RYR2: variants seen among roughly 807,000 people sequenced by gnomAD.
The protein encoded by RYR2 is cardiac muscle ryanodine receptor-calcium release channel.
Under a neutral mutation model 601.1 loss-of-function variants are expected in RYR2, and 227 were observed. The ratio of observed to expected loss-of-function variants is 0.38; its 90% confidence interval spans 0.34 to 0.42. The LOEUF is 0.42. Among genes scored for constraint, RYR2 ranks in the 10% least tolerant of loss-of-function variants. The probability of loss-of-function intolerance (pLI) is 1.00; values close to 1 mark genes in which losing one functional copy is unlikely to be tolerated. For synonymous variants in RYR2, 2,223 were observed against 2,175.1 expected, an observed-to-expected ratio of 1.02 and a Z score of -0.61; for missense variants, 4,646 against 6,156.5, an observed-to-expected ratio of 0.75 and a Z score of 8.21.
intron 100 of RYR2, among the ~76,000 whole-genome samples, chr1:237,811,603 A>G (rs957610007): frequency 2.0e-5 from 3 of 152,220 alleles, no homozygotes; most frequent in African/African-American, 7.2e-5. Context: ...GGGGATACAT[A>G]ATAGCTTGCT....
At chr1:237,271,081 A>G (rs1021002872) in intron 2 of RYR2, among the ~76,000 whole-genome samples, 1 of 152,068 alleles carries the variant, frequency 6.6e-6, no homozygotes, top group African/African-American at 2.4e-5. Context: ...TCACATAGAT[A>G]TATCTGGATT....
intron 1 of RYR2, among the ~76,000 whole-genome samples, chr1:237,084,262 A>G (rs1308397270): frequency 6.6e-6 from 1 of 152,172 alleles, no homozygotes; most frequent in Non-Finnish European, 1.5e-5. Context: ...CATCTGTGTC[A>G]AGCTGGCTTC....
chr1:237,783,013 G>T (rs1695250009), intron 89 of RYR2, among the ~76,000 whole-genome samples: 1 of 152,160 alleles, frequency 6.6e-6, no homozygotes, highest in Admixed American at 6.5e-5. Context: ...TCTGTTCAAT[G>T]AATAAAAGCA....
intron 93 of RYR2, 145 bp from the exon 94 acceptor site, chr1:237,791,960 T>G: frequency 1.6e-6 from 1 of 638,864 alleles, no homozygotes; most frequent in South Asian, 2.0e-5. Flanking sequence ...AAAGCTATCG[T>G]TTTTAGCCTT....
intron 33 of RYR2, among the ~76,000 whole-genome samples, chr1:237,594,898 T>TTG (rs1559084083): frequency 4.3e-3 from 89 of 20,658 alleles, no homozygotes; most frequent in South Asian, 0.012. Flanking sequence ...TTTTTTTTTT[T>TTG]TTTTTTTTTT....
intron 82 of RYR2, among the ~76,000 whole-genome samples, chr1:237,759,335 C>T (rs1254715047): frequency 6.6e-6 from 1 of 152,114 alleles, no homozygotes; most frequent in African/African-American, 2.4e-5. Flanking sequence ...ATTTGCCCAC[C>T]TCAGCCTCCC....
chr1:237,718,495 C>T lies in RYR2; in HGVS notation c.10528C>T (p.Arg3510Cys), dbSNP rs201749277. 6.6e-5 allele frequency: 106 copies of T among 1,595,230 alleles called. No individual in the cohort carries two copies. The highest frequency in any genetic ancestry group is 1.0e-4 in the South Asian group (9 of 90,112). The change falls in exon 73 of 105, where the codon CGC becomes TGC. Residue 3510 changes from arginine (R) to cysteine (C), a missense_variant. Arg to Cys is a radical substitution (Grantham distance 180). Around this residue, in one of 17 missense-constraint regions of RYR2, gnomAD observed 1,497 missense variants for 1,842.6 expected, o/e 0.81. Coordinates refer to ENST00000366574, the MANE Select transcript of RYR2 (RefSeq NM_001035.3). ...DTEDEVRDII[R>C]SNIHLQGKLE... ...CGAGGATGAAGTACGAGATATAATCCGCAGCAATATTCATTTACAAGGCAA... is the reference window on the plus strand; with the variant it reads ...CGAGGATGAAGTACGAGATATAATCTGCAGCAATATTCATTTACAAGGCAA...
chr1:237,361,675 G>A (rs886550737), intron 4 of RYR2, among the ~76,000 whole-genome samples: 2 of 152,044 alleles, frequency 1.3e-5, no homozygotes, highest in African/African-American at 2.4e-5. Flanking sequence ...TTTTAGAAGC[G>A]TTCCTTTTTA....
chr1:237,737,649 A>G (rs1691265781), intron 79 of RYR2, among the ~76,000 whole-genome samples: 2 of 152,204 alleles, frequency 1.3e-5, no homozygotes, highest in South Asian at 2.1e-4. Flanking sequence ...TGATTCTGTC[A>G]TACACTGTTA....
At chr1:237,521,763 A>C (rs2805431) in intron 24 of RYR2, among the ~76,000 whole-genome samples, 92,413 of 151,550 alleles carry the variant, frequency 0.61, 29,217 homozygotes, top group East Asian at 0.79. Context: ...AATAAAATCC[A>C]TTAATGGCTT....
rs1361981168 is a variant in RYR2, at chr1:237,699,908, C to T, written c.9129-321C>T. On this transcript the variant is annotated intron_variant, in intron 64 of 104. Transcript: ENST00000366574. The stretch of plus-strand genomic sequence containing the variant: ...GAAACATTCTAGTTTTGTTGGATTT[C>T]GGATTAACTATACTCACTCAGAAGC... 2.0e-5 allele frequency among the ~76,000 whole-genome samples: 3 copies of T among 152,248 alleles called. No homozygotes were observed. In the East Asian group the frequency reaches 5.8e-4, roughly 29 times the overall value.
At chr1:237,685,470 C>T (rs1301952187) in intron 62 of RYR2, among the ~76,000 whole-genome samples, 1 of 152,096 alleles carries the variant, frequency 6.6e-6, no homozygotes, top group Non-Finnish European at 1.5e-5. Flanking sequence ...AGCAAAACAT[C>T]CTAGGTTTGG....
chr1:237,539,855 GT>G (rs1477488804), intron 25 of RYR2, among the ~76,000 whole-genome samples: 2 of 151,786 alleles, frequency 1.3e-5, no homozygotes, highest in Admixed American at 6.6e-5. Flanking sequence ...AAAATAAAAT[GT>G]TTTTTTAAAA....
intron 1 of RYR2, among the ~76,000 whole-genome samples, chr1:237,239,204 G>A (rs1276261358): frequency 2.6e-5 from 4 of 152,134 alleles, no homozygotes; most frequent in African/African-American, 7.2e-5. Context: ...CCAGGCTTTT[G>A]AAGCAGGGTT....
chr1:237,609,574 A>G (rs1677587638), intron 35 of RYR2, among the ~76,000 whole-genome samples: 1 of 151,892 alleles, frequency 6.6e-6, no homozygotes, highest in Admixed American at 6.6e-5. Flanking sequence ...GCAGTGGGCC[A>G]GGCTGGTCTT....
At chr1:237,694,728 G>A (rs1158151517) in intron 63 of RYR2, among the ~76,000 whole-genome samples, 2 of 152,146 alleles carry the variant, frequency 1.3e-5, no homozygotes, top group South Asian at 4.1e-4. Flanking sequence ...AATAGAATAT[G>A]TAGTTATTCA....
In RYR2 at chr1:237,801,833, ATTTTT is replaced by A; in HGVS notation, c.14091-15_14091-11del. ...CTTTGGTTAATGTGCATAACTACGC[ATTTTT>A]TTTTTTTGTCATTGCAGACTGAACT... On this transcript the variant is annotated intron_variant, in intron 97 of 104. Coordinates refer to ENST00000366574, the MANE Select transcript of RYR2 (RefSeq NM_001035.3). 1 of 1,365,680 alleles carries A rather than the reference ATTTTT, an allele frequency of 7.3e-7. No homozygotes were observed. The highest frequency in any genetic ancestry group is 2.4e-5 in the East Asian group (1 of 41,242). The allele number at this position is 1,365,680 out of a possible 1,614,324, so 84.6% of individuals were successfully genotyped here. A position where few individuals can be genotyped will look rare whatever the true frequency, so the allele number is the denominator to read the frequency against.
intron 1 of RYR2, among the ~76,000 whole-genome samples, chr1:237,188,935 A>G (rs2148988919): frequency 6.6e-6 from 1 of 152,334 alleles, no homozygotes; most frequent in East Asian, 1.9e-4. Flanking sequence ...ATCCTCAGGC[A>G]TATAATTTAA....
At chr1:237,083,854 A>C (rs1347367702) in intron 1 of RYR2, among the ~76,000 whole-genome samples, 6 of 152,132 alleles carry the variant, frequency 3.9e-5, no homozygotes, top group Non-Finnish European at 8.8e-5. Context: ...TCCCTGGAGG[A>C]TGTGGGACTT....
Sources: gnomAD v4.1 joint callset for allele counts (sites outside exome capture counted in the v4.1 genomes callset) on GRCh38, gnomAD v4.1.1 for gene constraint, gnomAD v4.1.1 regional missense constraint, MANE v1.5 for transcripts, NCBI Gene and HGNC (gene_info 2026-07-23, HGNC 2026-07-21) for gene names.